The following MITF variants were observed in gnomAD, a reference collection of about 807,000 sequenced individuals.
MITF encodes melanocyte inducing transcription factor.
A neutral mutation model predicts 60.5 loss-of-function variants in MITF; 17 were observed. The observed-to-expected ratio is 0.28, with a 90% CI of 0.19 to 0.42. The LOEUF (loss-of-function observed/expected upper bound fraction) is 0.42, where lower values mean the gene tolerates loss of function less well. Ranked by LOEUF, MITF falls within the 10% of genes least tolerant of loss-of-function variation. The pLI, the probability that MITF is intolerant of heterozygous loss-of-function variation, is 1.00. For synonymous variants in MITF, 260 were observed against 248.5 expected, an observed-to-expected ratio of 1.05 and a Z score of -0.43; for missense variants, 622 against 683.5, an observed-to-expected ratio of 0.91 and a Z score of 1.00.
At chr3:69,961,716 CTCCGTCT>C (rs1319134498) in intron 9 of MITF, among the ~76,000 whole-genome samples, 6 of 152,172 alleles carry the variant, frequency 3.9e-5, no homozygotes, top group African/African-American at 1.2e-4. Flanking sequence ...TAGAGCAAGA[CTCCGTCT>C]CAAAAAACAA....
At chr3:69,788,730 G>T (rs2062692241) in intron 1 of MITF, among the ~76,000 whole-genome samples, 1 of 152,138 alleles carries the variant, frequency 6.6e-6, no homozygotes, top group Non-Finnish European at 1.5e-5. Flanking sequence ...CAACAGTGTG[G>T]TATTGACATA....
intron 7 of MITF, 88 bp downstream of exon 7, chr3:69,951,974 T>C (rs956457531): frequency 2.3e-5 from 22 of 965,078 alleles, no homozygotes; most frequent in Middle Eastern, 2.1e-4. Context: ...TAGAGGAGAG[T>C]TGATTCCTAC....
At chr3:69,850,196 G>A (rs1054965023) in intron 1 of MITF, among the ~76,000 whole-genome samples, 1 of 152,188 alleles carries the variant, frequency 6.6e-6, no homozygotes, top group Non-Finnish European at 1.5e-5. Flanking sequence ...GATATAATAG[G>A]ATAATATTTT....
chr3:69,836,016 T>C (rs1200609772), intron 1 of MITF, among the ~76,000 whole-genome samples: 4 of 152,136 alleles, frequency 2.6e-5, no homozygotes, highest in African/African-American at 9.7e-5. Flanking sequence ...AAGAATGTCA[T>C]TGGTATTTTG....
intron 1 of MITF, among the ~76,000 whole-genome samples, chr3:69,803,334 A>G (rs567575273): frequency 6.6e-6 from 1 of 152,248 alleles, no homozygotes; most frequent in African/African-American, 2.4e-5. Flanking sequence ...TCTTTTCATA[A>G]ACCCTATGTT....
intron 1 of MITF, among the ~76,000 whole-genome samples, chr3:69,832,073 C>T (rs1338078292): frequency 6.6e-6 from 1 of 152,204 alleles, no homozygotes; most frequent in Non-Finnish European, 1.5e-5. Context: ...TGCTACATAA[C>T]AAATCATGGT....
chr3:69,941,430 G>T, intron 5 of MITF, 99 bp downstream of exon 5: 1 of 725,164 alleles, frequency 1.4e-6, no homozygotes. Context: ...CTGGTTCACT[G>T]ATTAAATGTA....
chr3:69,895,085 C>T (rs995164369), intron 2 of MITF, among the ~76,000 whole-genome samples: 2 of 152,184 alleles, frequency 1.3e-5, no homozygotes, highest in Non-Finnish European at 2.9e-5. Context: ...TGAATTATCT[C>T]CTTTTTCCTG....
intron 2 of MITF, among the ~76,000 whole-genome samples, chr3:69,896,122 A>G (rs984811294): frequency 6.6e-6 from 1 of 152,136 alleles, no homozygotes; most frequent in African/African-American, 2.4e-5. Context: ...CTTTAACATG[A>G]AAACCTCCCA....
intron 1 of MITF, among the ~76,000 whole-genome samples, chr3:69,849,259 C>T (rs1559672629): frequency 2.0e-5 from 3 of 152,062 alleles, no homozygotes; most frequent in Non-Finnish European, 2.9e-5. Flanking sequence ...CCACCGCGCC[C>T]GGCCGGGCAA....
chr3:69,964,100 C>T (rs1316386546), intron 9 of MITF, among the ~76,000 whole-genome samples: 4 of 151,804 alleles, frequency 2.6e-5, no homozygotes, highest in Non-Finnish European at 5.9e-5. Flanking sequence ...CCTCAGCCTC[C>T]CAAGTAGCTG....
intron 5 of MITF, among the ~76,000 whole-genome samples, chr3:69,946,243 T>C (rs1364417107): frequency 6.6e-6 from 1 of 152,120 alleles, no homozygotes; most frequent in Admixed American, 6.5e-5. Context: ...ACATAGCAAG[T>C]TCGTAAAGAG....
At chr3:69,828,574 A>G (rs2063393952) in intron 1 of MITF, among the ~76,000 whole-genome samples, 1 of 151,918 alleles carries the variant, frequency 6.6e-6, no homozygotes, top group Non-Finnish European at 1.5e-5. Context: ...GTATATGTAT[A>G]TATAAATATA....
At chr3:69,840,430 A>C (rs1377825863) in intron 1 of MITF, among the ~76,000 whole-genome samples, 1 of 152,198 alleles carries the variant, frequency 6.6e-6, no homozygotes, top group East Asian at 1.9e-4. Context: ...ACATTGTTAG[A>C]ATAAGAAGAC....
intron 1 of MITF, among the ~76,000 whole-genome samples, chr3:69,784,284 G>A (rs974609328): frequency 3.9e-5 from 6 of 152,116 alleles, no homozygotes; most frequent in Admixed American, 2.0e-4. Flanking sequence ...TTCTTTGCTA[G>A]TGGGTGTTGT....
At chr3:69,744,388 G>C (rs1703643746) in intron 1 of MITF, among the ~76,000 whole-genome samples, 1 of 151,812 alleles carries the variant, frequency 6.6e-6, no homozygotes, top group Non-Finnish European at 1.5e-5. Flanking sequence ...CACTAGCATA[G>C]AGATGAAGAG....
At chr3:69,796,343 T>G (rs1191664340) in intron 1 of MITF, among the ~76,000 whole-genome samples, 1 of 152,160 alleles carries the variant, frequency 6.6e-6, no homozygotes, top group Non-Finnish European at 1.5e-5. Flanking sequence ...GGCAAAGCAT[T>G]CTTTCTTATT....
intron 2 of MITF, among the ~76,000 whole-genome samples, chr3:69,932,660 A>G (rs1292733064): frequency 6.6e-6 from 1 of 152,154 alleles, no homozygotes; most frequent in Non-Finnish European, 1.5e-5. Flanking sequence ...TGTACAGTAA[A>G]CAAGATTATA....
intron 5 of MITF, among the ~76,000 whole-genome samples, chr3:69,945,309 G>A (rs112391665): frequency 0.033 from 4,987 of 152,218 alleles, 170 homozygotes; most frequent in African/African-American, 0.088. Context: ...TTGTTTGTCC[G>A]GATTAGACTG....
Sources: allele counts gnomAD v4.1 joint callset (sites outside exome capture counted in the v4.1 genomes callset), GRCh38; gene constraint gnomAD v4.1.1; transcripts MANE v1.5; gene names NCBI Gene and HGNC (gene_info 2026-07-23, HGNC 2026-07-21).